The following HTR1E variants were observed in gnomAD, a reference collection of about 807,000 sequenced individuals.
The protein encoded by HTR1E is 5-hydroxytryptamine receptor 1E, also known as 5-HT-1E.
Under a neutral mutation model 3.4 loss-of-function variants are expected in HTR1E, and 3 were observed. The ratio of observed to expected loss-of-function variants is 0.89; its 90% CI spans 0.41 to 2.31. The LOEUF (loss-of-function observed/expected upper bound fraction) is 2.31, where lower values mean the gene tolerates loss of function less well. Ranked by LOEUF, HTR1E falls within the 30% of genes most tolerant of loss-of-function variation. The pLI is 0.05. For synonymous variants in HTR1E, 170 were observed against 182.8 expected, an observed-to-expected ratio of 0.93 and a Z score of 0.56; for missense variants, 392 against 467.0, an observed-to-expected ratio of 0.84 and a Z score of 1.48.
intron 1 of HTR1E, among the ~76,000 whole-genome samples, chr6:87,007,018 C>G (rs1768120986): frequency 6.6e-6 from 1 of 152,142 alleles, no homozygotes; most frequent in African/African-American, 2.4e-5. Context: ...CAGCAAATCA[C>G]CATGGCACAC....
At chr6:86,984,907 T>A (rs1767763123) in intron 1 of HTR1E, among the ~76,000 whole-genome samples, 2 of 152,138 alleles carry the variant, frequency 1.3e-5, no homozygotes, top group Non-Finnish European at 2.9e-5. Context: ...AGGGGGAGTG[T>A]GTAGAAAATA....
At chr6:86,941,558 G>C (rs1050320231) in intron 1 of HTR1E, among the ~76,000 whole-genome samples, 3 of 152,104 alleles carry the variant, frequency 2.0e-5, no homozygotes, top group Non-Finnish European at 4.4e-5. Context: ...TGCAGTTGTA[G>C]GATTAGGAAG....
intron 1 of HTR1E, among the ~76,000 whole-genome samples, chr6:87,011,575 T>C (rs549172732): frequency 4.6e-5 from 7 of 152,348 alleles, no homozygotes; most frequent in Admixed American, 4.6e-4. Flanking sequence ...GTAAGGATAT[T>C]TGTCCCATAT....
chr6:86,985,499 A>C (rs1767772383), intron 1 of HTR1E, among the ~76,000 whole-genome samples: 1 of 152,204 alleles, frequency 6.6e-6, no homozygotes, highest in African/African-American at 2.4e-5. Context: ...GGAATGTCCC[A>C]AAAGACCTCA....
chr6:87,005,108 GA>G (rs1436087003), intron 1 of HTR1E, among the ~76,000 whole-genome samples: 1 of 152,096 alleles, frequency 6.6e-6, no homozygotes, highest in Admixed American at 6.5e-5. Context: ...AAAGTGAAAA[GA>G]TATTCCATGT....
Position 87,016,153 on chromosome 6 carries a change from T to C in HTR1E, c.819T>C (p.Asp273=). ...TCCCCCCCTTCGACAATGATCTAGA[T>C]CACCCAGGAGAACGTCAGCAGATCT... is the stretch of plus-strand genomic sequence containing the variant. ...IRIPPFDNDL[D]HPGERQQISS... The change falls in exon 2 of 2, where the codon GAT becomes GAC. Residue 273 remains aspartate, a synonymous_variant. Coordinates refer to ENST00000305344, the MANE Select transcript of HTR1E (RefSeq NM_000865.3). The C allele has an allele frequency of 6.2e-7, 1 of 1,614,122 alleles. No homozygotes were observed. Among genetic ancestry groups the C allele is most frequent in the Non-Finnish European group, 8.5e-7 (1 of 1,180,014 alleles).
At chr6:87,008,968 C>A (rs1302398425) in intron 1 of HTR1E, among the ~76,000 whole-genome samples, 1 of 152,038 alleles carries the variant, frequency 6.6e-6, no homozygotes, top group African/African-American at 2.4e-5. Context: ...CAAATATATA[C>A]CCCTGATAAT....
intron 1 of HTR1E, among the ~76,000 whole-genome samples, chr6:87,011,321 T>C (rs1470205142): frequency 6.6e-6 from 1 of 152,194 alleles, no homozygotes; most frequent in Non-Finnish European, 1.5e-5. Context: ...TGTCTAGGAA[T>C]GGACAGAAGT....
At chr6:86,984,115 T>C (rs1256800174) in intron 1 of HTR1E, among the ~76,000 whole-genome samples, 4 of 152,198 alleles carry the variant, frequency 2.6e-5, no homozygotes, top group Non-Finnish European at 4.4e-5. Context: ...CTTTCACTTT[T>C]GAGTTCAAAC....
chr6:86,959,305 C>T (rs1053331975), intron 1 of HTR1E, among the ~76,000 whole-genome samples: 1 of 152,084 alleles, frequency 6.6e-6, no homozygotes, highest in Non-Finnish European at 1.5e-5. Flanking sequence ...CTCAGCTGAG[C>T]ACTGTGACTC....
intron 1 of HTR1E, among the ~76,000 whole-genome samples, chr6:86,992,753 A>G (rs1767889086): frequency 6.6e-6 from 1 of 152,228 alleles, no homozygotes; most frequent in South Asian, 2.1e-4. Flanking sequence ...TGTGTAAGGT[A>G]GGTATAATTA....
intron 1 of HTR1E, among the ~76,000 whole-genome samples, chr6:86,946,097 G>A (rs900024429): frequency 6.6e-6 from 1 of 152,136 alleles, no homozygotes; most frequent in Non-Finnish European, 1.5e-5. Context: ...CTTATTATTG[G>A]AGAGAGAAAA....
At chr6:86,940,025 G>T (rs1000687702) in intron 1 of HTR1E, among the ~76,000 whole-genome samples, 1 of 152,146 alleles carries the variant, frequency 6.6e-6, no homozygotes, top group Non-Finnish European at 1.5e-5. Context: ...TTCAGAAGTG[G>T]TGCCTAGGAA....
intron 1 of HTR1E, among the ~76,000 whole-genome samples, chr6:86,972,730 T>G (rs1187642818): frequency 6.6e-6 from 1 of 152,174 alleles, no homozygotes; most frequent in Non-Finnish European, 1.5e-5. Context: ...CAGGGAATTA[T>G]CCCAGATATC....
At chr6:86,970,305 G>GGAA (rs1767531694) in intron 1 of HTR1E, among the ~76,000 whole-genome samples, 1 of 152,186 alleles carries the variant, frequency 6.6e-6, no homozygotes, top group Non-Finnish European at 1.5e-5. Flanking sequence ...TTCTACTTAT[G>GGAA]GAAGATCACT....
chr6:87,011,138 A>C (rs78504763), intron 1 of HTR1E, among the ~76,000 whole-genome samples: 5,931 of 152,284 alleles, frequency 0.039, 161 homozygotes, highest in East Asian at 0.14. Flanking sequence ...GCAAGAGGTA[A>C]AGCAATTGCA....
intron 1 of HTR1E, among the ~76,000 whole-genome samples, chr6:86,947,331 T>C (rs1768630678): frequency 6.6e-6 from 1 of 152,222 alleles, no homozygotes; most frequent in Non-Finnish European, 1.5e-5. Context: ...AACTCTTGGT[T>C]ATCTCAAAGA....
chr6:86,950,242 C>T lies in HTR1E; in HGVS notation c.-186+12419C>T, dbSNP rs1026018064. Among the ~76,000 whole-genome samples the T allele has an allele frequency of 9.2e-5, 14 of 152,208 alleles. 1 individual carries two copies. The highest frequency in any genetic ancestry group is 4.1e-4 in the South Asian group (2 of 4,828). ...CTTATATTTAATGTCATACTATTCA[C>T]ATCCAGGCTGCCTTTCAACTTCTAT... On this transcript the variant is annotated intron_variant, in intron 1 of 1. Transcript: ENST00000305344.
intron 1 of HTR1E, among the ~76,000 whole-genome samples, chr6:87,014,011 C>T (rs1360133992): frequency 6.6e-6 from 1 of 151,976 alleles, no homozygotes; most frequent in Non-Finnish European, 1.5e-5. Context: ...ATCGCAAGGA[C>T]AGAAAACCAG....
Sources: gnomAD v4.1 joint callset for allele counts (sites outside exome capture counted in the v4.1 genomes callset) on GRCh38, gnomAD v4.1.1 for gene constraint, MANE v1.5 for transcripts, NCBI Gene and HGNC (gene_info 2026-07-23, HGNC 2026-07-21) for gene names.